Variants in OPA3 observed in about 807,000 individuals in gnomAD.
The protein encoded by OPA3 is optic atrophy 3 protein.
OPA3 carries 6 observed loss-of-function variants against 4.0 expected under a neutral mutation model. The observed-to-expected ratio is 1.51, with a 90% CI of 0.83 to 2.99. The LOEUF (loss-of-function observed/expected upper bound fraction) is 2.99. OPA3 is among the 30% of genes most tolerant of loss of function. OPA3 has a pLI of 0.00. For synonymous variants in OPA3, 105 were observed against 117.1 expected, an observed-to-expected ratio of 0.90 and a Z score of 0.67; for missense variants, 235 against 256.2, an observed-to-expected ratio of 0.92 and a Z score of 0.56.
intron 1 of OPA3, among the ~76,000 whole-genome samples, chr19:45,566,650 A>C (rs1318935194): frequency 1.4e-5 from 2 of 147,550 alleles, no homozygotes; most frequent in East Asian, 4.0e-4. Flanking sequence ...TTTTTTTTGT[A>C]TTTTTAGTAG....
At chr19:45,568,740 T>A (rs1270273676) in intron 1 of OPA3, among the ~76,000 whole-genome samples, 1 of 152,112 alleles carries the variant, frequency 6.6e-6, no homozygotes, top group Non-Finnish European at 1.5e-5. Context: ...ACCCCACTCC[T>A]GAGCCTGGCC....
downstream of OPA3, among the ~76,000 whole-genome samples, chr19:45,545,518 A>C (rs1229936808): frequency 6.6e-6 from 1 of 151,862 alleles, no homozygotes; most frequent in Non-Finnish European, 1.5e-5. Context: ...GTGACAGAGC[A>C]AGACCCTGTC....
chr19:45,552,024 C>A lies in OPA3; in HGVS notation c.*1490G>T, dbSNP rs1056222491. The A allele has an allele frequency of 2.5e-5, 25 of 985,402 alleles. No homozygotes were observed. Among genetic ancestry groups the A allele is most frequent in the Non-Finnish European group, 3.0e-5 (25 of 830,130 alleles). The allele number at this position is 985,402 out of a possible 1,614,324, so 61.0% of individuals were successfully genotyped here. On this transcript the variant is annotated 3_prime_UTR_variant, in exon 2 of 2. Transcript: ENST00000263275. ...GAGGCTGAAGGACAGGCTGGATTAG[C>A]CCTAGTTAGGATCAAATTTCCCACC... is the stretch of plus-strand genomic sequence containing the variant.
chr19:45,533,913 C>T (rs1474994096), intron 1 of OPA3, among the ~76,000 whole-genome samples: 1 of 152,222 alleles, frequency 6.6e-6, no homozygotes, highest in Admixed American at 6.5e-5. Context: ...GGAGACAAGT[C>T]AGTTCAGTCC....
chr19:45,541,768 T>C (rs542415714), downstream of OPA3, among the ~76,000 whole-genome samples: 1 of 152,248 alleles, frequency 6.6e-6, no homozygotes, highest in African/African-American at 2.4e-5. Flanking sequence ...TCTCACTATG[T>C]TTCCCAGGCT....
At chr19:45,584,501 G>T in intron 1 of OPA3, 122 bp downstream of exon 1, 1 of 1,511,712 alleles carries the variant, frequency 6.6e-7, no homozygotes, top group East Asian at 2.5e-5. Flanking sequence ...CCCCACTATT[G>T]GCCACTGGAC....
intron 1 of OPA3, among the ~76,000 whole-genome samples, chr19:45,573,697 T>G (rs1969722738): frequency 6.6e-6 from 1 of 152,052 alleles, no homozygotes; most frequent in African/African-American, 2.4e-5. Flanking sequence ...GTAAACACTG[T>G]TTACTGAATG....
chr19:45,561,458 T>C (rs1373958048), intron 1 of OPA3, among the ~76,000 whole-genome samples: 1 of 152,164 alleles, frequency 6.6e-6, no homozygotes, highest in Non-Finnish European at 1.5e-5. Context: ...CACTACTCGA[T>C]GGTGAAGGGT....
chr19:45,545,493 C>T (rs562336214), downstream of OPA3, among the ~76,000 whole-genome samples: 7 of 147,100 alleles, frequency 4.8e-5, no homozygotes, highest in South Asian at 4.4e-4. Flanking sequence ...ATTGCACCAC[C>T]GCACTCCAGC....
rs755689286 is a variant in OPA3, at chr19:45,553,763, T to C, written c.291A>G (p.Leu97=). ...CCTGGTGGCGCCAGTACTCCAGCAC[T>C]AGGCAGCCGCCGCCCACGATGAAGA... ...ATIFIVGGGC[L]VLEYWRHQAQ... is the part of the protein sequence containing the mutation. The change falls in exon 2 of 2, where the codon CTA becomes CTG. Residue 97 remains leucine (L), a synonymous_variant. Transcript: ENST00000263275. 1.2e-6 allele frequency: 2 copies of C among 1,612,628 alleles called. No individual in the cohort carries two copies. The highest frequency in any genetic ancestry group is 1.7e-6 in the Non-Finnish European group (2 of 1,179,822).
chr19:45,529,035 A>T (rs1296084239), exon 2 of OPA3: 1 of 1,594,914 alleles, frequency 6.3e-7, no homozygotes, highest in East Asian at 2.2e-5. Flanking sequence ...GTCACCTCCA[A>T]GACCAGGGCC....
At chr19:45,582,655 C>G (rs1158353073) in intron 1 of OPA3, among the ~76,000 whole-genome samples, 1 of 151,958 alleles carries the variant, frequency 6.6e-6, no homozygotes, top group Non-Finnish European at 1.5e-5. Flanking sequence ...TCTTCTTGCG[C>G]TCAGTCAGTT....
intron 1 of OPA3, among the ~76,000 whole-genome samples, chr19:45,540,725 C>T (rs1281339350): frequency 6.6e-6 from 1 of 151,628 alleles, no homozygotes; most frequent in African/African-American, 2.4e-5. Flanking sequence ...ATCACTTGAA[C>T]CTGGGAGGCG....
intron 1 of OPA3, among the ~76,000 whole-genome samples, chr19:45,570,672 G>C (rs1969649079): frequency 6.6e-6 from 1 of 151,828 alleles, no homozygotes; most frequent in African/African-American, 2.4e-5. Flanking sequence ...GGGCGACAGA[G>C]TGAGACTCCA....
intron 1 of OPA3, among the ~76,000 whole-genome samples, chr19:45,582,711 T>C (rs556651708): frequency 6.6e-6 from 1 of 152,212 alleles, no homozygotes; most frequent in South Asian, 2.1e-4. Context: ...TTTATTGATC[T>C]GGGTAAGGCC....
At chr19:45,567,131 TG>T (rs1238390906) in intron 1 of OPA3, among the ~76,000 whole-genome samples, 1 of 151,912 alleles carries the variant, frequency 6.6e-6, no homozygotes. Context: ...CCTGGGCCCA[TG>T]AGTTCAAGAC....
intron 1 of OPA3, among the ~76,000 whole-genome samples, chr19:45,529,730 CTTTAA>C (rs564485837): frequency 2.1e-3 from 320 of 151,464 alleles, no homozygotes; most frequent in African/African-American, 7.0e-3. Flanking sequence ...CTTTTTTTTT[CTTTAA>C]TTTTTCTTTT....
intron 1 of OPA3, among the ~76,000 whole-genome samples, chr19:45,574,589 G>A (rs1969740363): frequency 6.6e-6 from 1 of 152,116 alleles, no homozygotes; most frequent in Non-Finnish European, 1.5e-5. Context: ...GCTCATAGAG[G>A]TCAAGCTGCC....
chr19:45,578,778 G>C (rs562271154), intron 1 of OPA3, among the ~76,000 whole-genome samples: 1 of 152,294 alleles, frequency 6.6e-6, no homozygotes, highest in Non-Finnish European at 1.5e-5. Context: ...GGTGAGCCAA[G>C]ATCACACCAT....
Sources: allele counts gnomAD v4.1 joint callset (sites outside exome capture counted in the v4.1 genomes callset), GRCh38; gene constraint gnomAD v4.1.1; transcripts MANE v1.5; gene names NCBI Gene and HGNC (gene_info 2026-07-23, HGNC 2026-07-21).